Variants in DNAH6 observed in about 807,000 individuals in gnomAD.
DNAH6 encodes the protein dynein axonemal heavy chain 6.
A neutral mutation model predicts 491.4 loss-of-function variants in DNAH6; 340 were observed. That is an observed-to-expected ratio of 0.69 (90% CI 0.63 to 0.76). The LOEUF (loss-of-function observed/expected upper bound fraction) is 0.76. DNAH6 is among the 30% of genes least tolerant of loss of function. The pLI is 0.00. For missense variants in DNAH6, 4,443 were observed against 4,972.2 expected (o/e 0.89, Z 3.20); for synonymous variants, 1,603 against 1,686.1 (o/e 0.95, Z 1.21).
At chr2:84,533,846 G>A (rs1677415105) in intron 4 of DNAH6, among the ~76,000 whole-genome samples, 1 of 152,122 alleles carries the variant, frequency 6.6e-6, no homozygotes, top group Non-Finnish European at 1.5e-5. Flanking sequence ...TGGATCCATA[G>A]ATTGTCTAGA....
At chr2:84,684,653 C>G in intron 42 of DNAH6, among the ~76,000 whole-genome samples, 1 of 152,248 alleles carries the variant, frequency 6.6e-6, no homozygotes, top group Non-Finnish European at 1.5e-5. Context: ...TACCCACTCT[C>G]TGCTGTGTGT....
intron 42 of DNAH6, among the ~76,000 whole-genome samples, chr2:84,684,614 A>G (rs542054035): frequency 1.3e-5 from 2 of 152,346 alleles, no homozygotes; most frequent in East Asian, 1.9e-4. Flanking sequence ...TTCCAAAGCA[A>G]CATGAGCAGT....
At chr2:84,607,803 AG>A (rs1302052324) in intron 21 of DNAH6, among the ~76,000 whole-genome samples, 1 of 152,082 alleles carries the variant, frequency 6.6e-6, no homozygotes, top group Non-Finnish European at 1.5e-5. Flanking sequence ...TGGCTGCTGA[AG>A]GTTGGGGGTG....
At position 84,710,337 on chromosome 2, in the gene DNAH6, T is replaced by C; in HGVS notation, c.9303T>C (p.Ile3101=). The change falls in exon 56 of 77, where the codon ATT becomes ATC. Residue 3101 remains isoleucine (I), a synonymous_variant. Coordinates refer to ENST00000389394, the MANE Select transcript of DNAH6 (RefSeq NM_001370.2). The part of the protein sequence containing the change: ...NKESKSGLKI[I]KLTDSNFLRI... ...AAAGCAAAAGTGGTTTAAAGATCATTAAGCTTACAGATAGTAATTTCTTAC... is the reference window on the plus strand; with the variant it reads ...AAAGCAAAAGTGGTTTAAAGATCATCAAGCTTACAGATAGTAATTTCTTAC... 6.4e-7 allele frequency: 1 copy of C among 1,551,734 alleles called. No homozygotes were observed. The highest frequency in any genetic ancestry group is 8.7e-7 in the Non-Finnish European group (1 of 1,146,988).
chr2:84,801,374 A>G (rs1001574344), intron 70 of DNAH6, among the ~76,000 whole-genome samples: 8 of 152,276 alleles, frequency 5.3e-5, no homozygotes, highest in Admixed American at 5.2e-4. Flanking sequence ...GATACAAGAA[A>G]TCCAGAGAAC....
At chr2:84,619,605 G>T in intron 23 of DNAH6, 80 bp from the exon 24 acceptor site, 1 of 1,309,054 alleles carries the variant, frequency 7.6e-7, no homozygotes. Context: ...AAGAGATGTG[G>T]CTAAGGAATT....
At chr2:84,682,188 A>G (rs1385726448) in intron 42 of DNAH6, among the ~76,000 whole-genome samples, 1 of 152,130 alleles carries the variant, frequency 6.6e-6, no homozygotes, top group Admixed American at 6.5e-5. Context: ...GCTCTACCTG[A>G]GTCCCATCTC....
upstream of DNAH6, among the ~76,000 whole-genome samples, chr2:84,512,035 G>A (rs2104381908): frequency 6.6e-6 from 1 of 152,278 alleles, no homozygotes; most frequent in South Asian, 2.1e-4. Flanking sequence ...CCCAGAGAAT[G>A]TTTCATGTGC....
intron 38 of DNAH6, 116 bp from the exon 39 acceptor site, chr2:84,670,212 T>A: frequency 3.0e-6 from 2 of 664,922 alleles, no homozygotes; most frequent in Non-Finnish European, 4.9e-6. Context: ...GACATTTCAA[T>A]CTGGCTTTAA....
chr2:84,697,578 G>A lies in DNAH6; in HGVS notation c.7528G>A (p.Val2510Ile). 1.9e-6 allele frequency: 3 copies of A among 1,551,482 alleles called. No homozygotes were observed. The highest frequency in any genetic ancestry group is 2.6e-6 in the Non-Finnish European group (3 of 1,146,782). The change falls in exon 47 of 77, where the codon GTA becomes ATA. Residue 2510 changes from valine (V) to isoleucine (I), a missense_variant. Coordinates refer to ENST00000389394, the MANE Select transcript of DNAH6 (RefSeq NM_001370.2). ...MVFLFTDTQIVVEEFLEDINN... is the reference protein window; with the variant it reads ...MVFLFTDTQIIVEEFLEDINN... ...TGATCACTGCTTTCTTCTACAGATTGTAGTGGAGGAGTTCCTAGAAGATAT... is the reference window on the plus strand; with the variant it reads ...TGATCACTGCTTTCTTCTACAGATTATAGTGGAGGAGTTCCTAGAAGATAT...
the DNAH6 span, among the ~76,000 whole-genome samples, chr2:84,460,650 G>T: frequency 1.3e-5 from 2 of 152,022 alleles, no homozygotes; most frequent in African/African-American, 4.8e-5. Context: ...ATAACTCATC[G>T]TTGAATTGAA....
chr2:84,605,206 A>T (rs1174045010), intron 19 of DNAH6, among the ~76,000 whole-genome samples: 1 of 151,018 alleles, frequency 6.6e-6, no homozygotes, highest in South Asian at 2.1e-4. Flanking sequence ...AAAAAAAATT[A>T]GCCAGGCGTG....
At chr2:84,765,926 T>C (rs1675032033) in intron 64 of DNAH6, among the ~76,000 whole-genome samples, 1 of 152,088 alleles carries the variant, frequency 6.6e-6, no homozygotes, top group Admixed American at 6.5e-5. Context: ...ACAGTTCCAA[T>C]GTATATCACA....
At chr2:84,461,547 C>A in the DNAH6 span, among the ~76,000 whole-genome samples, 1 of 152,220 alleles carries the variant, frequency 6.6e-6, no homozygotes, top group African/African-American at 2.4e-5. Flanking sequence ...CCACTGGCTA[C>A]ATGACCTCTG....
At chr2:84,583,904 T>C (rs1683286228) in intron 14 of DNAH6, 95 bp from the exon 15 acceptor site, 7 of 1,272,302 alleles carry the variant, frequency 5.5e-6, no homozygotes, top group Non-Finnish European at 7.7e-6. Context: ...TAATACAATG[T>C]TCATATTGTA....
At chr2:84,571,555 C>T (rs1000483791) in intron 11 of DNAH6, among the ~76,000 whole-genome samples, 26 of 152,178 alleles carry the variant, frequency 1.7e-4, no homozygotes, top group Middle Eastern at 6.8e-3. Context: ...ATACACACAA[C>T]TGAGATACCT....
chr2:84,737,604 T>C lies in DNAH6; in HGVS notation c.10342+4025T>C, dbSNP rs370104452. Reference sequence around the variant, plus strand: ...GATCCATTTCTCTAGATTTTTCTAGTTTGTGTGCATAGAGATGCTCATCAT... The same window carrying C: ...GATCCATTTCTCTAGATTTTTCTAGCTTGTGTGCATAGAGATGCTCATCAT... On this transcript the variant is annotated intron_variant, in intron 62 of 76. Transcript: ENST00000389394. Among the ~76,000 whole-genome samples the C allele has an allele frequency of 2.7e-4, 41 of 152,186 alleles. 1 individual carries two copies. The highest frequency in any genetic ancestry group is 9.9e-4 in the African/African-American group (41 of 41,568).
the DNAH6 span, among the ~76,000 whole-genome samples, chr2:84,505,804 C>T: frequency 6.6e-5 from 10 of 152,148 alleles, no homozygotes; most frequent in East Asian, 9.7e-4. Flanking sequence ...TTAGAACATG[C>T]GGTGTTTGTT....
At chr2:84,558,182 C>A (rs1271830789) in intron 11 of DNAH6, among the ~76,000 whole-genome samples, 1 of 152,062 alleles carries the variant, frequency 6.6e-6, no homozygotes, top group Non-Finnish European at 1.5e-5. Context: ...AATCCCAGCA[C>A]TTTGGGAGAC....
Sources: gnomAD v4.1 joint callset for allele counts (sites outside exome capture counted in the v4.1 genomes callset) on GRCh38, gnomAD v4.1.1 for gene constraint, MANE v1.5 for transcripts, NCBI Gene and HGNC (gene_info 2026-07-23, HGNC 2026-07-21) for gene names.